The following NRXN3 variants were observed in gnomAD, a reference collection of about 807,000 sequenced individuals.
NRXN3 encodes the protein neurexin III.
A neutral mutation model predicts 137.6 loss-of-function variants in NRXN3; 32 were observed. That is an observed-to-expected ratio of 0.23 (90% CI 0.18 to 0.31). The LOEUF is 0.31. Ranked by LOEUF, NRXN3 falls within the 10% of genes least tolerant of loss-of-function variation. The pLI is 1.00. For synonymous variants in NRXN3, 798 were observed against 784.5 expected (o/e 1.02, Z -0.29); for missense variants, 1,574 against 2,062.5 (o/e 0.76, Z 4.59).
At chr14:78,201,611 T>C (rs2061684706) in intron 1 of NRXN3, among the ~76,000 whole-genome samples, 1 of 152,170 alleles carries the variant, frequency 6.6e-6, no homozygotes, top group Non-Finnish European at 1.5e-5. Flanking sequence ...TTGGCTTGCA[T>C]GGGACTTCTA....
intron 1 of NRXN3, among the ~76,000 whole-genome samples, chr14:78,187,212 C>T (rs951352581): frequency 2.0e-5 from 3 of 150,864 alleles, no homozygotes; most frequent in South Asian, 2.1e-4. Flanking sequence ...CCCAAGATCT[C>T]TTAGCAAGTA....
intron 19 of NRXN3, among the ~76,000 whole-genome samples, chr14:79,735,615 C>T (rs752142698): frequency 6.6e-6 from 1 of 152,182 alleles, no homozygotes; most frequent in Non-Finnish European, 1.5e-5. Flanking sequence ...ACTTCACACA[C>T]AGCCACTGTC....
chr14:79,741,449 ATATG>A (rs996328118), intron 19 of NRXN3, among the ~76,000 whole-genome samples: 4 of 113,568 alleles, frequency 3.5e-5, no homozygotes, highest in African/African-American at 1.5e-4. Context: ...GTAAGTTGAA[ATATG>A]TGTGTGTGTG....
At chr14:79,531,179 G>C (rs145905273) in intron 16 of NRXN3, among the ~76,000 whole-genome samples, 2 of 152,084 alleles carry the variant, frequency 1.3e-5, no homozygotes, top group Admixed American at 1.3e-4. Flanking sequence ...CATTGCTTCC[G>C]TTTAGCTAAT....
At chr14:78,984,155 G>C (rs902236855) in intron 14 of NRXN3, among the ~76,000 whole-genome samples, 3 of 152,104 alleles carry the variant, frequency 2.0e-5, no homozygotes, top group Non-Finnish European at 4.4e-5. Flanking sequence ...CTATTGCATA[G>C]AATGGTGACT....
chr14:78,179,828 GTTTCTGTTTTTTTGT>G (rs2059636108), intron 1 of NRXN3, among the ~76,000 whole-genome samples: 3 of 107,678 alleles, frequency 2.8e-5, no homozygotes, highest in African/African-American at 1.0e-4. Flanking sequence ...TTTTTTGTTT[GTTTCTGTTTTTTTGT>G]TTTTTTTTTT....
chr14:79,266,427 C>A (rs529828889), intron 15 of NRXN3, among the ~76,000 whole-genome samples: 2 of 151,960 alleles, frequency 1.3e-5, no homozygotes, highest in East Asian at 3.9e-4. Flanking sequence ...AAGCTTTATG[C>A]TCATTATTGG....
At chr14:78,891,331 A>G (rs1253320644) in intron 10 of NRXN3, among the ~76,000 whole-genome samples, 1 of 152,000 alleles carries the variant, frequency 6.6e-6, no homozygotes, top group East Asian at 1.9e-4. Context: ...AATTTGTCTG[A>G]GGTCATGCTC....
chr14:79,291,997 T>C (rs1026643826), intron 15 of NRXN3, among the ~76,000 whole-genome samples: 6 of 152,146 alleles, frequency 3.9e-5, no homozygotes, highest in African/African-American at 1.2e-4. Flanking sequence ...GTAGGCACTA[T>C]TGTTATCATG....
chr14:78,428,367 A>T (rs1440567040), intron 4 of NRXN3, among the ~76,000 whole-genome samples: 1 of 152,104 alleles, frequency 6.6e-6, no homozygotes, highest in Non-Finnish European at 1.5e-5. Flanking sequence ...TATTCCCAAC[A>T]ATATGCCCAG....
At chr14:78,228,147 A>T (rs2064921849) in intron 1 of NRXN3, among the ~76,000 whole-genome samples, 1 of 149,906 alleles carries the variant, frequency 6.7e-6, no homozygotes, top group Non-Finnish European at 1.5e-5. Flanking sequence ...GAAATCGCTG[A>T]ATTTTCTTTC....
chr14:78,479,259 G>C (rs1410428799), intron 4 of NRXN3, among the ~76,000 whole-genome samples: 10 of 152,134 alleles, frequency 6.6e-5, no homozygotes, highest in African/African-American at 1.2e-4. Context: ...GGTTTCTAAA[G>C]CTCCCCAGGT....
At chr14:79,480,329 T>C (rs112953207) in intron 16 of NRXN3, among the ~76,000 whole-genome samples, 33 of 152,290 alleles carry the variant, frequency 2.2e-4, no homozygotes, top group African/African-American at 7.5e-4. Context: ...TTTTTTTGCA[T>C]GGCTAAACAG....
chr14:78,988,552 A>G (rs1211800408), intron 15 of NRXN3, among the ~76,000 whole-genome samples: 2 of 152,160 alleles, frequency 1.3e-5, no homozygotes, highest in Non-Finnish European at 2.9e-5. Flanking sequence ...TTTTGAGGCT[A>G]TTTAAAGGGT....
chr14:78,992,267 A>G (rs1414159285), intron 15 of NRXN3, among the ~76,000 whole-genome samples: 8 of 152,202 alleles, frequency 5.3e-5, no homozygotes, highest in Non-Finnish European at 8.8e-5. Context: ...GTGGAAGAAA[A>G]CATAAGTAAC....
chr14:78,832,023 A>C (rs1208485198), intron 10 of NRXN3, among the ~76,000 whole-genome samples: 1 of 152,122 alleles, frequency 6.6e-6, no homozygotes, highest in Admixed American at 6.5e-5. Flanking sequence ...AAGGTTAATT[A>C]ATGCATAAAA....
At chr14:79,750,335 A>G (rs1212730980) in intron 19 of NRXN3, among the ~76,000 whole-genome samples, 1 of 152,112 alleles carries the variant, frequency 6.6e-6, no homozygotes, top group Non-Finnish European at 1.5e-5. Flanking sequence ...TTAAATTTTT[A>G]CTGGTTAGCA....
intron 11 of NRXN3, among the ~76,000 whole-genome samples, chr14:78,965,567 A>G (rs1187530771): frequency 6.6e-6 from 1 of 152,156 alleles, no homozygotes; most frequent in Non-Finnish European, 1.5e-5. Flanking sequence ...GGTAAACTCA[A>G]CTGATAAGTC....
intron 4 of NRXN3, among the ~76,000 whole-genome samples, chr14:78,335,602 A>C (rs2081369485): frequency 6.6e-6 from 1 of 152,228 alleles, no homozygotes; most frequent in Admixed American, 6.5e-5. Flanking sequence ...AAGTAGACAC[A>C]TTAATTCAGC....
Sources: allele counts gnomAD v4.1 joint callset (sites outside exome capture counted in the v4.1 genomes callset), GRCh38; gene constraint gnomAD v4.1.1; transcripts MANE v1.5; gene names NCBI Gene and HGNC (gene_info 2026-07-23, HGNC 2026-07-21).